The following CBLC variants were observed in gnomAD, a reference collection of about 807,000 sequenced individuals.
CBLC encodes the protein E3 ubiquitin-protein ligase CBL-C.
CBLC carries 46 observed loss-of-function variants against 58.6 expected under a neutral mutation model. That is an observed-to-expected ratio of 0.79 (90% CI 0.62 to 1.00). CBLC has a LOEUF of 1.00. Among genes scored for constraint, CBLC ranks in the 50% least tolerant of loss-of-function variants. The pLI is 0.00. For synonymous variants in CBLC, 271 were observed against 264.2 expected, an observed-to-expected ratio of 1.03 and a Z score of -0.25; for missense variants, 655 against 625.8, an observed-to-expected ratio of 1.05 and a Z score of -0.50.
In CBLC at chr19:44,784,275, G is replaced by A. The variant is rs761040194; in HGVS notation, c.791G>A (p.Arg264Gln). The A allele has an allele frequency of 8.9e-6, 14 of 1,566,542 alleles. No individual in the cohort carries two copies. Among genetic ancestry groups the A allele is most frequent in the African/African-American group, 2.7e-5 (2 of 74,228 alleles). Residue 264 changes from arginine to glutamine, a missense_variant, in exon 5 of 11, where the codon CGG becomes CAG. Arg to Gln is a conservative substitution (Grantham distance 43). This residue lies in a region of CBLC where 371 missense variants were observed against 370.8 expected (regional missense o/e 1.00). Coordinates refer to ENST00000647358, the MANE Select transcript of CBLC (RefSeq NM_012116.4). ...CRDKPGSYIF[R>Q]PSCTRLGQWA... ...ACCTCTCCCTCCAGTTACATCTTCC[G>A]GCCCAGCTGTACTCGCCTGGGGCAG... is the stretch of plus-strand genomic sequence containing the variant.
At position 44,784,261 on chromosome 19, in the gene CBLC, C is replaced by T; in HGVS notation, c.780-3C>T. On this transcript the variant is annotated splice_region_variant and splice_polypyrimidine_tract_variant and intron_variant, in intron 4 of 10. Transcript: ENST00000647358. ...ACCCCATCCTACCTACCTCTCCCTC[C>T]AGTTACATCTTCCGGCCCAGCTGTA... 1 of 1,564,370 alleles carries T rather than the reference C, an allele frequency of 6.4e-7. No individual in the cohort carries two copies. The highest frequency in any genetic ancestry group is 8.8e-7 in the Non-Finnish European group (1 of 1,141,266).
In CBLC at chr19:44,778,054, C is replaced by T. The variant is rs773799426; in HGVS notation, c.123C>T (p.Pro41=). 25 of 1,608,914 alleles carry T rather than the reference C, an allele frequency of 1.6e-5. No individual in the cohort carries two copies. Among genetic ancestry groups the T allele is most frequent in the Non-Finnish European group, 8.5e-7 (1 of 1,179,648 alleles). The change falls in exon 1 of 11, where the codon CCC becomes CCT. Residue 41 remains proline (P), a synonymous_variant. Coordinates refer to ENST00000647358, the MANE Select transcript of CBLC (RefSeq NM_012116.4). ...QCVDPRLSVS[P]PSLRDLLPRT... ...TCGACCCCCGGCTGTCCGTGAGTCC[C>T]CCTTCGCTGCGGGACCTGCTGCCCC... is the stretch of plus-strand genomic sequence containing the variant.
intron 6 of CBLC, 99 bp from the exon 7 acceptor site, chr19:44,792,284 C>T: frequency 7.1e-7 from 1 of 1,406,042 alleles, no homozygotes; most frequent in Non-Finnish European, 9.9e-7. Context: ...TGAGCCACCA[C>T]AACCAGCCGA....
In CBLC at chr19:44,790,052, C is replaced by T. The variant is rs778265591; in HGVS notation, c.966C>T (p.Leu322=). 2.6e-5 allele frequency: 42 copies of T among 1,614,068 alleles called. No homozygotes were observed. Among genetic ancestry groups the T allele is most frequent in the Middle Eastern group, 3.3e-4 (2 of 6,062 alleles). The part of the protein sequence containing the change: ...GKTHNPDLTE[L]GQAEPQQRIH... ...CCCACAACCCAGACCTGACTGAGCTCGGCCAGGCAGAACCCCAGCAGCGCA... is the reference window on the plus strand; with the variant it reads ...CCCACAACCCAGACCTGACTGAGCTTGGCCAGGCAGAACCCCAGCAGCGCA... Residue 322 remains leucine (L), a synonymous_variant, in exon 6 of 11, where the codon CTC becomes CTT. Coordinates refer to ENST00000647358, the MANE Select transcript of CBLC (RefSeq NM_012116.4).
intron 6 of CBLC, 83 bp from the exon 7 acceptor site, chr19:44,792,300 G>T: frequency 6.6e-7 from 1 of 1,519,852 alleles, no homozygotes; most frequent in Non-Finnish European, 9.0e-7. Context: ...GCCGAGGTTT[G>T]GGATTTTCTT....
intron 5 of CBLC, 45 bp downstream of exon 5, chr19:44,784,446 T>A (rs779486552): frequency 9.8e-6 from 15 of 1,525,758 alleles, no homozygotes; most frequent in Non-Finnish European, 1.8e-6. Context: ...CAAAATCTGG[T>A]TGGAAAGATC....
At position 44,781,148 on chromosome 19, in the gene CBLC, C is replaced by G. The variant is rs1406725163; in HGVS notation, c.501-59C>G. ...CACAGCTGCTTCTTTCCTGGAGACC[C>G]TCCCATCATAGGCTCTGGGAGGCCT... On this transcript the variant is annotated intron_variant, in intron 2 of 10. Transcript: ENST00000647358. 1.1e-4 allele frequency: 167 copies of G among 1,575,840 alleles called. 3 individuals are homozygous for G. The South Asian group carries it at 1.8e-3, about 17-fold the overall frequency.
chr19:44,792,554 C>G, intron 7 of CBLC, 40 bp downstream of exon 7: 3 of 1,531,228 alleles, frequency 2.0e-6, no homozygotes, highest in Non-Finnish European at 2.6e-6. Flanking sequence ...TCTGGTCTCC[C>G]CCTCTCTACA....
intron 9 of CBLC, among the ~76,000 whole-genome samples, chr19:44,798,169 C>CCTG (rs139576276): frequency 0.13 from 19,735 of 151,940 alleles, 1,477 homozygotes; most frequent in African/African-American, 0.2. Context: ...TGGGGACCAG[C>CCTG]CTGACACAAG....
intron 9 of CBLC, among the ~76,000 whole-genome samples, chr19:44,795,827 T>C (rs1325468218): frequency 6.6e-6 from 1 of 152,100 alleles, no homozygotes; most frequent in Non-Finnish European, 1.5e-5. Context: ...TGCAGAACAG[T>C]GCCTAGCACA....
chr19:44,791,262 C>T (rs1461328341), intron 6 of CBLC, among the ~76,000 whole-genome samples: 1 of 148,518 alleles, frequency 6.7e-6, no homozygotes, highest in East Asian at 2.0e-4. Flanking sequence ...GCCAAGATTG[C>T]GACCCTGCAC....
chr19:44,780,621 C>T (rs1394911111), intron 1 of CBLC, among the ~76,000 whole-genome samples: 5 of 151,364 alleles, frequency 3.3e-5, no homozygotes, highest in Non-Finnish European at 7.4e-5. Context: ...TATAGGCGGG[C>T]GCCACCACGC....
Position 44,778,078 on chromosome 19 carries a change from C to T in CBLC, c.147C>T (p.Pro49=), listed in dbSNP as rs1195152906. The T allele has an allele frequency of 1.9e-6, 3 of 1,608,244 alleles. No homozygotes were observed. Among genetic ancestry groups the T allele is most frequent in the Non-Finnish European group, 2.5e-6 (3 of 1,179,540 alleles). ...CCCCTTCGCTGCGGGACCTGCTGCC[C>T]CGCACAGCGCAGCTGCTTCGAGAGG... ...VSPPSLRDLL[P]RTAQLLREVA... The change falls in exon 1 of 11, where the codon CCC becomes CCT. Residue 49 remains proline, a synonymous_variant. Transcript: ENST00000647358.
At chr19:44,780,487 T>TTG (rs1384205603) in intron 1 of CBLC, among the ~76,000 whole-genome samples, 2 of 149,140 alleles carry the variant, frequency 1.3e-5, no homozygotes, top group African/African-American at 4.9e-5. Context: ...TTTTTTTTTT[T>TTG]TTTGAGATGG....
chr19:44,778,419 C>T, intron 1 of CBLC, 135 bp downstream of exon 1: 1 of 742,956 alleles, frequency 1.3e-6, no homozygotes, highest in Non-Finnish European at 1.8e-6. Context: ...CCCCCACCAC[C>T]TCCTCCCTCA....
intron 5 of CBLC, among the ~76,000 whole-genome samples, chr19:44,786,289 G>A (rs1239642005): frequency 2.6e-5 from 4 of 151,546 alleles, no homozygotes; most frequent in Admixed American, 6.6e-5. Context: ...GTATGTTTTC[G>A]TTTAAAGACA....
chr19:44,778,298 C>T lies in CBLC; in HGVS notation c.353+14C>T. The T allele has an allele frequency of 3.5e-6, 5 of 1,424,454 alleles. No homozygotes were observed. Among genetic ancestry groups the T allele is most frequent in the Non-Finnish European group, 4.6e-6 (5 of 1,093,024 alleles). The allele number at this position is 1,424,454 out of a possible 1,614,324, so 88.2% of individuals were successfully genotyped here. A position where few individuals can be genotyped will look rare whatever the true frequency, so the allele number is the denominator to read the frequency against. On this transcript the variant is annotated intron_variant, in intron 1 of 10. Coordinates refer to ENST00000647358, the MANE Select transcript of CBLC (RefSeq NM_012116.4). Reference sequence around the variant, plus strand: ...CTCCAGACTCAGGTGAGCCTTCGCCCCAGAACAAAGTCCTCTGGGGTGAGG... The same window carrying T: ...CTCCAGACTCAGGTGAGCCTTCGCCTCAGAACAAAGTCCTCTGGGGTGAGG...
chr19:44,782,487 G>A lies in CBLC; in HGVS notation c.775G>A (p.Gly259Ser), dbSNP rs767920193. The A allele has an allele frequency of 2.0e-5, 32 of 1,613,132 alleles. No homozygotes were observed. In the Admixed American group the frequency reaches 5.2e-4, roughly 26 times the overall value. The change falls in exon 4 of 11, where the codon GGC becomes AGC. Residue 259 changes from glycine to serine, a missense_variant. Physicochemically the swap from Gly to Ser is moderately conservative, Grantham distance 56. Transcript: ENST00000647358. ...ERLQACRDKPGSYIFRPSCTR... is the reference protein window; with the variant it reads ...ERLQACRDKPSSYIFRPSCTR... Reference sequence around the variant, plus strand: ...TCTGCAGGCCTGCAGGGACAAGCCAGGCAGGTAAAGGGTCCAGGGCTCAGC... The same window carrying A: ...TCTGCAGGCCTGCAGGGACAAGCCAAGCAGGTAAAGGGTCCAGGGCTCAGC...
intron 9 of CBLC, among the ~76,000 whole-genome samples, chr19:44,797,706 G>C (rs1968207854): frequency 6.8e-6 from 1 of 147,368 alleles, no homozygotes; most frequent in East Asian, 2.2e-4. Flanking sequence ...AGTGAGCCAA[G>C]ATAGCGCCAT....
Sources: allele counts gnomAD v4.1 joint callset (sites outside exome capture counted in the v4.1 genomes callset), GRCh38; gene constraint gnomAD v4.1.1; regional missense constraint gnomAD v4.1.1; transcripts MANE v1.5; gene names NCBI Gene and HGNC (gene_info 2026-07-23, HGNC 2026-07-21).